Variants in TMEM203 observed in about 807,000 individuals in gnomAD.
The protein encoded by TMEM203 is HBeAg-binding protein 1.
Under a neutral mutation model 7.9 loss-of-function variants are expected in TMEM203, and 4 were observed. The ratio of observed to expected loss-of-function variants is 0.51; its 90% CI spans 0.25 to 1.16. The LOEUF is 1.16. TMEM203 is among the 50% of genes most tolerant of loss of function. TMEM203 has a pLI of 0.15. For missense variants in TMEM203, 127 were observed against 174.4 expected, an observed-to-expected ratio of 0.73 and a Z score of 1.53; for synonymous variants, 92 against 82.5, an observed-to-expected ratio of 1.11 and a Z score of -0.62.
At position 137,204,956 on chromosome 9, in the gene TMEM203, G is replaced by A. The variant is rs769272015; in HGVS notation, c.*48C>T. Reference sequence around the variant, plus strand: ...GCTGCAAGTAGGGCCTCGGCTCGAGGTCAACATTCTAGTTGTCCAGCGCTC... The same window carrying A: ...GCTGCAAGTAGGGCCTCGGCTCGAGATCAACATTCTAGTTGTCCAGCGCTC... On this transcript the variant is annotated 3_prime_UTR_variant, in exon 1 of 1. Coordinates refer to ENST00000343666, the MANE Select transcript of TMEM203 (RefSeq NM_053045.2). 3.2e-6 allele frequency: 5 copies of A among 1,558,150 alleles called. No homozygotes were observed. The highest frequency in any genetic ancestry group is 4.4e-6 in the Non-Finnish European group (5 of 1,148,986).
rs1057490800 is a variant in TMEM203, at chr9:137,205,498, G to A, written c.-84C>T. 7.6e-7 allele frequency: 1 copy of A among 1,308,190 alleles called. No individual in the cohort carries two copies. 81.0% of individuals were successfully genotyped at this position (1,308,190 alleles called of 1,614,324 possible). On this transcript the variant is annotated 5_prime_UTR_variant, in exon 1 of 1. Transcript: ENST00000343666. ...TCCTCTCCCCGTGGCCCTCGCCCGC[G>A]CCTGCCGCCGCTGCTGCGAGCGAGA...
chr9:137,204,923 T>C lies in TMEM203; in HGVS notation c.*81A>G. Reference sequence around the variant, plus strand: ...TGCCTTCAGACTAGAGAGCCTCTCCTCCGGTGCGCTGCAAGTAGGGCCTCG... The same window carrying C: ...TGCCTTCAGACTAGAGAGCCTCTCCCCCGGTGCGCTGCAAGTAGGGCCTCG... On this transcript the variant is annotated 3_prime_UTR_variant, in exon 1 of 1. Transcript: ENST00000343666. 6.6e-7 allele frequency: 1 copy of C among 1,508,170 alleles called. No individual in the cohort carries two copies. Among genetic ancestry groups the C allele is most frequent in the Non-Finnish European group, 8.9e-7 (1 of 1,125,916 alleles). 93.4% of individuals were successfully genotyped at this position (1,508,170 alleles called of 1,614,324 possible).
rs1373299478 is a variant in TMEM203 at position 137,204,456 on chromosome 9, T to TA, written c.*547dup. 1 of 153,170 alleles carries TA rather than the reference T, an allele frequency of 6.5e-6. No homozygotes were observed. The highest frequency in any genetic ancestry group is 1.9e-4 in the East Asian group (1 of 5,214). 9.5% of individuals were successfully genotyped at this position (153,170 alleles called of 1,614,324 possible). On this transcript the variant is annotated 3_prime_UTR_variant, in exon 1 of 1. Coordinates refer to ENST00000343666, the MANE Select transcript of TMEM203 (RefSeq NM_053045.2). ...TCTTCTGTCTCTGCCTAGACTGGAA[T>TA]AAAAAGCCAATCTCTCTCGTGGCAC... is the stretch of plus-strand genomic sequence containing the variant.
Position 137,205,355 on chromosome 9 carries a change from G to C in TMEM203, c.60C>G (p.Phe20Leu). ...ACACCAACAGGGCCAGCAGGTGCAC[G>C]AAGATCTCGAAGGTGGCGAAGCCTA... ...QWLGFATFEI[F>L]VHLLALLVFS... The change falls in exon 1 of 1, where the codon TTC (phenylalanine) becomes TTG (leucine). Residue 20 changes from phenylalanine (F) to leucine (L), a missense_variant. By Grantham distance (22) the Phe-to-Leu change is conservative. Transcript: ENST00000343666. The C allele has an allele frequency of 1.2e-6, 2 of 1,606,744 alleles. No homozygotes were observed. The highest frequency in any genetic ancestry group is 1.1e-5 in the South Asian group (1 of 90,316).
chr9:137,205,487 C>T lies in TMEM203; in HGVS notation c.-73G>A. The T allele has an allele frequency of 2.2e-6, 3 of 1,343,274 alleles. No individual in the cohort carries two copies. The highest frequency in any genetic ancestry group is 2.9e-6 in the Non-Finnish European group (3 of 1,045,290). 83.2% of individuals were successfully genotyped at this position (1,343,274 alleles called of 1,614,324 possible). ...GGGGCTGCGTCTCCTCTCCCCGTGGCCCTCGCCCGCGCCTGCCGCCGCTGC... is the reference window on the plus strand; with the variant it reads ...GGGGCTGCGTCTCCTCTCCCCGTGGTCCTCGCCCGCGCCTGCCGCCGCTGC... On this transcript the variant is annotated 5_prime_UTR_variant, in exon 1 of 1. Transcript: ENST00000343666.
At position 137,205,448 on chromosome 9, in the gene TMEM203, A is replaced by G; in HGVS notation, c.-34T>C. On this transcript the variant is annotated 5_prime_UTR_variant, in exon 1 of 1. Coordinates refer to ENST00000343666, the MANE Select transcript of TMEM203 (RefSeq NM_053045.2). ...TTGAGCGCGGGCCGGGGCCCGGCCG[A>G]GCGTGCCACCCGCGGGGCTGCGTCT... The G allele has an allele frequency of 6.8e-7, 1 of 1,473,742 alleles. No individual in the cohort carries two copies. The highest frequency in any genetic ancestry group is 9.0e-7 in the Non-Finnish European group (1 of 1,108,376). 91.3% of individuals were successfully genotyped at this position (1,473,742 alleles called of 1,614,324 possible). A position where few individuals can be genotyped will look rare whatever the true frequency, so the allele number is the denominator to read the frequency against.
chr9:137,204,218 CTA>C lies in TMEM203; in HGVS notation c.*784_*785del, dbSNP rs1834872297. On this transcript the variant is annotated 3_prime_UTR_variant, in exon 1 of 1. Transcript: ENST00000343666. ...GCTTCCCATTTGTAGATCTCAGTGCCTATGAGTATCTGACACCTGTTCCTCTC... is the reference window on the plus strand; with the variant it reads ...GCTTCCCATTTGTAGATCTCAGTGCCTGAGTATCTGACACCTGTTCCTCTC... 6.6e-6 allele frequency: 1 copy of C among 151,566 alleles called. No individual in the cohort carries two copies. Among genetic ancestry groups the C allele is most frequent in the East Asian group, 1.9e-4 (1 of 5,150 alleles). The allele number at this position is 151,566 out of a possible 1,614,324, so 9.4% of individuals were successfully genotyped here. A position where few individuals can be genotyped will look rare whatever the true frequency, so the allele number is the denominator to read the frequency against.
rs1554775877 is a variant in TMEM203 at position 137,204,299 on chromosome 9, C to T, written c.*705G>A. ...TCTCAGGTGTGCTAAGAGTGCCAGC[C>T]CAAGGTGGTCAAAAGTCCACAAAAC... On this transcript the variant is annotated 3_prime_UTR_variant, in exon 1 of 1. Coordinates refer to ENST00000343666, the MANE Select transcript of TMEM203 (RefSeq NM_053045.2). 6.6e-6 allele frequency: 1 copy of T among 152,186 alleles called. No homozygotes were observed. Among genetic ancestry groups the T allele is most frequent in the Non-Finnish European group, 1.5e-5 (1 of 68,066 alleles). 9.4% of individuals were successfully genotyped at this position (152,186 alleles called of 1,614,324 possible).
rs1176711678 is a variant in TMEM203 at position 137,204,341 on chromosome 9, A to G, written c.*663T>C. 6.6e-6 allele frequency: 1 copy of G among 152,290 alleles called. No homozygotes were observed. The highest frequency in any genetic ancestry group is 2.4e-5 in the African/African-American group (1 of 41,448). 9.4% of individuals were successfully genotyped at this position (152,290 alleles called of 1,614,324 possible). On this transcript the variant is annotated 3_prime_UTR_variant, in exon 1 of 1. Transcript: ENST00000343666. ...CCACAAAACTGCAGTCTTTGCTGGG[A>G]TAGTAAGCCAAGCAGTGCCTGGACA...
chr9:137,204,835 G>A lies in TMEM203; in HGVS notation c.*169C>T, dbSNP rs1834887788. On this transcript the variant is annotated 3_prime_UTR_variant, in exon 1 of 1. Coordinates refer to ENST00000343666, the MANE Select transcript of TMEM203 (RefSeq NM_053045.2). ...GGCTGCTCTTTTAAGCCCTGCTGAA[G>A]AAACCATTTCAAACAGGATTGGAAT... is the stretch of plus-strand genomic sequence containing the variant. 2.3e-6 allele frequency: 2 copies of A among 856,974 alleles called. No individual in the cohort carries two copies. Among genetic ancestry groups the A allele is most frequent in the African/African-American group, 1.7e-5 (1 of 58,664 alleles). 53.1% of individuals were successfully genotyped at this position (856,974 alleles called of 1,614,324 possible).
At position 137,205,642 on chromosome 9, in the gene TMEM203, C is replaced by A. The variant is rs1459334982; in HGVS notation, c.-228G>T. 3 of 1,437,150 alleles carry A rather than the reference C, an allele frequency of 2.1e-6. No homozygotes were observed. Among genetic ancestry groups the A allele is most frequent in the African/African-American group, 2.9e-5 (2 of 70,148 alleles). 89.0% of individuals were successfully genotyped at this position (1,437,150 alleles called of 1,614,324 possible). A position where few individuals can be genotyped will look rare whatever the true frequency, so the allele number is the denominator to read the frequency against. ...ACGCCCGCCTCGATCGGACGCCATG[C>A]CCCCACAGGGCGCGTCCCTAGTGCG... On this transcript the variant is annotated 5_prime_UTR_variant, in exon 1 of 1. Coordinates refer to ENST00000343666, the MANE Select transcript of TMEM203 (RefSeq NM_053045.2).
At position 137,205,496 on chromosome 9, in the gene TMEM203, G is replaced by A. The variant is rs1345346576; in HGVS notation, c.-82C>T. 9.1e-6 allele frequency: 12 copies of A among 1,316,438 alleles called. No individual in the cohort carries two copies. In the East Asian group the frequency reaches 9.3e-5, roughly 10 times the overall value. The allele number at this position is 1,316,438 out of a possible 1,614,324, so 81.5% of individuals were successfully genotyped here. A position where few individuals can be genotyped will look rare whatever the true frequency, so the allele number is the denominator to read the frequency against. On this transcript the variant is annotated 5_prime_UTR_variant, in exon 1 of 1. Coordinates refer to ENST00000343666, the MANE Select transcript of TMEM203 (RefSeq NM_053045.2). ...TCTCCTCTCCCCGTGGCCCTCGCCC[G>A]CGCCTGCCGCCGCTGCTGCGAGCGA... is the stretch of plus-strand genomic sequence containing the variant.
In TMEM203 at chr9:137,204,970, T is replaced by C. The variant is rs760179844; in HGVS notation, c.*34A>G. The C allele has an allele frequency of 1.3e-6, 2 of 1,575,508 alleles. No individual in the cohort carries two copies. Among genetic ancestry groups the C allele is most frequent in the South Asian group, 1.2e-5 (1 of 86,518 alleles). Reference sequence around the variant, plus strand: ...CTCGGCTCGAGGTCAACATTCTAGTTGTCCAGCGCTCCCTCTCCGGCACCT... The same window carrying C: ...CTCGGCTCGAGGTCAACATTCTAGTCGTCCAGCGCTCCCTCTCCGGCACCT... On this transcript the variant is annotated 3_prime_UTR_variant, in exon 1 of 1. Transcript: ENST00000343666.
Position 137,205,612 on chromosome 9 carries a change from C to T in TMEM203, c.-198G>A. 7.6e-7 allele frequency: 1 copy of T among 1,311,246 alleles called. No individual in the cohort carries two copies. Among genetic ancestry groups the T allele is most frequent in the Non-Finnish European group, 1.0e-6 (1 of 964,496 alleles). 81.2% of individuals were successfully genotyped at this position (1,311,246 alleles called of 1,614,324 possible). A position where few individuals can be genotyped will look rare whatever the true frequency, so the allele number is the denominator to read the frequency against. On this transcript the variant is annotated 5_prime_UTR_variant, in exon 1 of 1. Coordinates refer to ENST00000343666, the MANE Select transcript of TMEM203 (RefSeq NM_053045.2). ...GACCCGGGACTCAACCCTGGCCGCC[C>T]GTGAACGCCCGCCTCGATCGGACGC...
chr9:137,205,622 C>G lies in TMEM203; in HGVS notation c.-208G>C. 7.4e-7 allele frequency: 1 copy of G among 1,357,898 alleles called. No homozygotes were observed. Among genetic ancestry groups the G allele is most frequent in the Non-Finnish European group, 1.0e-6 (1 of 998,318 alleles). 84.1% of individuals were successfully genotyped at this position (1,357,898 alleles called of 1,614,324 possible). On this transcript the variant is annotated 5_prime_UTR_variant, in exon 1 of 1. Coordinates refer to ENST00000343666, the MANE Select transcript of TMEM203 (RefSeq NM_053045.2). ...TCAACCCTGGCCGCCCGTGAACGCC[C>G]GCCTCGATCGGACGCCATGCCCCCA...
rs891937802 is a variant in TMEM203 at position 137,204,666 on chromosome 9, G to A, written c.*338C>T. On this transcript the variant is annotated 3_prime_UTR_variant, in exon 1 of 1. Transcript: ENST00000343666. ...CCAGGATCCACAGGAAATACTCAGAGTCCACCTGGACATTTTACTTATATT... is the reference window on the plus strand; with the variant it reads ...CCAGGATCCACAGGAAATACTCAGAATCCACCTGGACATTTTACTTATATT... 1.2e-5 allele frequency: 3 copies of A among 243,586 alleles called. No individual in the cohort carries two copies. The highest frequency in any genetic ancestry group is 1.6e-5 in the Non-Finnish European group (2 of 123,406). 15.1% of individuals were successfully genotyped at this position (243,586 alleles called of 1,614,324 possible). A position where few individuals can be genotyped will look rare whatever the true frequency, so the allele number is the denominator to read the frequency against.
chr9:137,204,905 A>C lies in TMEM203; in HGVS notation c.*99T>G. The stretch of plus-strand genomic sequence containing the variant: ...CTCGGCGCAAGCCGGCGGTGCCTTC[A>C]GACTAGAGAGCCTCTCCTCCGGTGC... On this transcript the variant is annotated 3_prime_UTR_variant, in exon 1 of 1. Coordinates refer to ENST00000343666, the MANE Select transcript of TMEM203 (RefSeq NM_053045.2). 2 of 1,457,406 alleles carry C rather than the reference A, an allele frequency of 1.4e-6. No homozygotes were observed. Among genetic ancestry groups the C allele is most frequent in the Non-Finnish European group, 9.1e-7 (1 of 1,098,452 alleles). The allele number at this position is 1,457,406 out of a possible 1,614,324, so 90.3% of individuals were successfully genotyped here. A position where few individuals can be genotyped will look rare whatever the true frequency, so the allele number is the denominator to read the frequency against.
Position 137,204,611 on chromosome 9 carries a change from G to A in TMEM203, c.*393C>T, listed in dbSNP as rs1192421553. On this transcript the variant is annotated 3_prime_UTR_variant, in exon 1 of 1. Coordinates refer to ENST00000343666, the MANE Select transcript of TMEM203 (RefSeq NM_053045.2). ...TGGTTGGAGGACATTCCTGAGTCCA[G>A]CTTTGCAGCCTTTGTGCAACAGTAC... The A allele has an allele frequency of 5.3e-6, 1 of 190,182 alleles. No homozygotes were observed. Among genetic ancestry groups the A allele is most frequent in the African/African-American group, 2.3e-5 (1 of 42,666 alleles). The allele number at this position is 190,182 out of a possible 1,614,324, so 11.8% of individuals were successfully genotyped here. A position where few individuals can be genotyped will look rare whatever the true frequency, so the allele number is the denominator to read the frequency against.
rs1483903571 is a variant in TMEM203 at position 137,205,270 on chromosome 9, C to A, written c.145G>T (p.Val49Leu). Residue 49 changes from valine to leucine, a missense_variant, in exon 1 of 1, where the codon GTG becomes TTG. Coordinates refer to ENST00000343666, the MANE Select transcript of TMEM203 (RefSeq NM_053045.2). The stretch of plus-strand genomic sequence containing the variant: ...TCAGCGGCGAAGAAAGGCACGAACA[C>A]GTTCCACCAGGAGAGGCCCGGGACC... Reference protein sequence around the residue: ...GLVPGLSWWNVFVPFFAADGL... With the variant: ...GLVPGLSWWNLFVPFFAADGL... The A allele has an allele frequency of 3.7e-6, 6 of 1,611,282 alleles. No individual in the cohort carries two copies. Among genetic ancestry groups the A allele is most frequent in the Non-Finnish European group, 5.1e-6 (6 of 1,179,226 alleles).
Sources: allele counts gnomAD v4.1 joint callset, GRCh38; gene constraint gnomAD v4.1.1; transcripts MANE v1.5; gene names NCBI Gene and HGNC (gene_info 2026-07-23, HGNC 2026-07-21).